Variants in PCDHGA3 observed in about 807,000 individuals in gnomAD.
The protein encoded by PCDHGA3 is protocadherin gamma-A3.
Under a neutral mutation model 58.5 loss-of-function variants are expected in PCDHGA3, and 40 were observed. The ratio of observed to expected loss-of-function variants is 0.68; its 90% CI spans 0.53 to 0.89. The LOEUF is 0.89. Among genes scored for constraint, PCDHGA3 ranks in the 40% least tolerant of loss-of-function variants. The pLI is 0.00. For missense variants in PCDHGA3, 1,223 were observed against 1,195.9 expected, an observed-to-expected ratio of 1.02 and a Z score of -0.33; for synonymous variants, 530 against 525.7, an observed-to-expected ratio of 1.01 and a Z score of -0.11.
Position 141,511,344 on chromosome 5 carries a change from T to G in PCDHGA3, c.*171T>G, listed in dbSNP as rs2099883730. 3 of 1,419,052 alleles carry G rather than the reference T, an allele frequency of 2.1e-6. No homozygotes were observed. Among genetic ancestry groups the G allele is most frequent in the Non-Finnish European group, 2.8e-6 (3 of 1,067,404 alleles). 87.9% of individuals were successfully genotyped at this position (1,419,052 alleles called of 1,614,324 possible). On this transcript the variant is annotated 3_prime_UTR_variant, in exon 4 of 4. Coordinates refer to ENST00000253812, the MANE Select transcript of PCDHGA3 (RefSeq NM_018916.4). The stretch of plus-strand genomic sequence containing the variant: ...CAAGTGCCCAGTCAGCACCTACCCC[T>G]TCCCCCCCAGGGGGTTGAATATGCA...
At position 141,430,974 on chromosome 5, in the gene PCDHGA3, C is replaced by T. The variant is rs141488923; in HGVS notation, c.2425-63833C>T. The T allele has an allele frequency of 7.0e-4, 1,130 of 1,613,070 alleles. 8 individuals carry two copies. In the African/African-American group the frequency reaches 0.014, roughly 19 times the overall value. On this transcript the variant is annotated intron_variant, in intron 1 of 3. Transcript: ENST00000253812. ...GTCCGCATCATCCCCAGAGGTAGGA[C>T]GCAGCTTTTCGCCCTGAATCCGCGC...
intron 1 of PCDHGA3, chr5:141,414,584 C>G (rs1359132446): frequency 3.1e-6 from 5 of 1,613,956 alleles, no homozygotes; most frequent in Non-Finnish European, 4.2e-6. Context: ...GAGAACAACG[C>G]CAGGGGTGCC....
chr5:141,422,136 AGTACGGGG>A (rs772818860), intron 1 of PCDHGA3: 9 of 1,588,992 alleles, frequency 5.7e-6, no homozygotes, highest in Non-Finnish European at 7.7e-6. Flanking sequence ...GAGAAGTTCA[AGTACGGGG>A]GTCTCTGGAT....
intron 1 of PCDHGA3, chr5:141,351,073 T>C: frequency 6.2e-7 from 1 of 1,614,078 alleles, no homozygotes; most frequent in Admixed American, 1.7e-5. Context: ...AGGGCATTAA[T>C]GCAGAGATCA....
rs70988800 is a variant in PCDHGA3 at position 141,379,889 on chromosome 5, CTTTTTTTTTTTTT to C, written c.2424+33450_2424+33462del. Among the ~76,000 whole-genome samples the C allele has an allele frequency of 8.7e-4, 44 of 50,836 alleles. 1 individual carries two copies. The South Asian group carries it at 0.014, about 16-fold the overall frequency. The allele number at this position is 50,836 out of a possible 152,430, so 33.4% of individuals were successfully genotyped here. On this transcript the variant is annotated intron_variant, in intron 1 of 3. Transcript: ENST00000253812. ...CTTATTTTATGGTCTGTGAAAGCCT[CTTTTTTTTTTTTT>C]TTTTTTTTTTTTTTTTTGTCAGAGT...
intron 1 of PCDHGA3, chr5:141,350,422 C>T: frequency 6.2e-7 from 1 of 1,607,112 alleles, no homozygotes; most frequent in Non-Finnish European, 8.5e-7. Context: ...ATCTGGGGCT[C>T]AGTGTCCGGG....
At chr5:141,362,768 A>G (rs916897514) in intron 1 of PCDHGA3, 6 of 614,256 alleles carry the variant, frequency 9.8e-6, no homozygotes, top group Middle Eastern at 4.4e-4. Context: ...CACATGAGAT[A>G]TTGCACTGTA....
At chr5:141,393,503 G>C (rs2092782893) in intron 1 of PCDHGA3, 1 of 1,614,028 alleles carries the variant, frequency 6.2e-7, no homozygotes, top group Non-Finnish European at 8.5e-7. Flanking sequence ...GCATCCACGT[G>C]ACAGTGTTGG....
rs771804151 is a variant in PCDHGA3, at chr5:141,486,704, A to G, written c.2425-8103A>G. On this transcript the variant is annotated intron_variant, in intron 1 of 3. Coordinates refer to ENST00000253812, the MANE Select transcript of PCDHGA3 (RefSeq NM_018916.4). The surrounding 1 kb of genome is among the most constrained non-coding windows in gnomAD (Gnocchi z 5.0). ...ATCAGCTTCCTCTTTCATCTCTCTG[A>G]ACCCCCAGACAGGAGCTGTTCATGC... 2.2e-5 allele frequency: 35 copies of G among 1,614,016 alleles called. No homozygotes were observed. Among genetic ancestry groups the G allele is most frequent in the Non-Finnish European group, 2.7e-5 (32 of 1,180,032 alleles).
chr5:141,459,581 G>A (rs945690319), intron 1 of PCDHGA3, among the ~76,000 whole-genome samples: 1 of 152,138 alleles, frequency 6.6e-6, no homozygotes, highest in Non-Finnish European at 1.5e-5. Flanking sequence ...AATTGTTTTG[G>A]GGGTCATATG....
chr5:141,364,720 C>T (rs1763500298), intron 1 of PCDHGA3: 6 of 1,613,946 alleles, frequency 3.7e-6, no homozygotes, highest in Non-Finnish European at 5.1e-6. Flanking sequence ...ATGATAACTT[C>T]CCGCGTTTCC....
chr5:141,356,405 A>G (rs1760213147), intron 1 of PCDHGA3: 5 of 1,590,826 alleles, frequency 3.1e-6, no homozygotes, highest in South Asian at 1.1e-5. Flanking sequence ...GGAAATTATT[A>G]TCGGTTGTTG....
intron 1 of PCDHGA3, among the ~76,000 whole-genome samples, chr5:141,459,721 T>C (rs2098973915): frequency 6.6e-6 from 1 of 152,246 alleles, no homozygotes. Context: ...CAATGCTTCC[T>C]ATTGTCAATT....
intron 1 of PCDHGA3, among the ~76,000 whole-genome samples, chr5:141,347,654 G>T (rs1757996271): frequency 6.6e-6 from 1 of 152,050 alleles, no homozygotes; most frequent in Non-Finnish European, 1.5e-5. Context: ...GGGCATGGTG[G>T]TGGGCGCCTG....
intron 3 of PCDHGA3, 67 bp from the exon 4 acceptor site, chr5:141,510,880 G>A (rs373993657): frequency 1.9e-6 from 3 of 1,611,784 alleles, no homozygotes; most frequent in Admixed American, 3.3e-5. Context: ...AACTGCTGGG[G>A]ATATAAGACA....
Position 141,511,908 on chromosome 5 carries a change from A to T in PCDHGA3, c.*735A>T, listed in dbSNP as rs528200582. The T allele has an allele frequency of 4.5e-5, 7 of 156,536 alleles. No homozygotes were observed. The highest frequency in any genetic ancestry group is 1.9e-4 in the East Asian group (1 of 5,250). The allele number at this position is 156,536 out of a possible 1,614,324, so 9.7% of individuals were successfully genotyped here. A position where few individuals can be genotyped will look rare whatever the true frequency, so the allele number is the denominator to read the frequency against. On this transcript the variant is annotated 3_prime_UTR_variant, in exon 4 of 4. Transcript: ENST00000253812. ...GACTTCCCCCACCTCCTCCTCAAAC[A>T]AGAGACTCCACTGCATGTTCCAAGA...
Position 141,486,639 on chromosome 5 carries a change from T to G in PCDHGA3, c.2425-8168T>G, listed in dbSNP as rs1250700423. ...GACCCAGACTCTGGCTTGAATGCGC[T>G]TATCTCCTACTCACTCCTGGAGCCC... On this transcript the variant is annotated intron_variant, in intron 1 of 3. Transcript: ENST00000253812. The surrounding 1 kb of genome is among the most constrained non-coding windows in gnomAD (Gnocchi z 5.0). The G allele has an allele frequency of 6.2e-7, 1 of 1,613,818 alleles. No individual in the cohort carries two copies. The highest frequency in any genetic ancestry group is 1.1e-5 in the South Asian group (1 of 91,084).
intron 1 of PCDHGA3, chr5:141,362,041 G>T (rs767982105): frequency 2.5e-6 from 4 of 1,610,230 alleles, no homozygotes; most frequent in Admixed American, 1.7e-5. Context: ...GGGCGACAGG[G>T]ACGCGGCCCG....
At chr5:141,392,719 C>T (rs1044889578) in intron 1 of PCDHGA3, 60 of 1,382,980 alleles carry the variant, frequency 4.3e-5, no homozygotes, top group African/African-American at 2.9e-5. Context: ...TCCAGGTTTC[C>T]GGAGGATTGT....
Sources: gnomAD v4.1 joint callset for allele counts (sites outside exome capture counted in the v4.1 genomes callset) on GRCh38, gnomAD v4.1.1 for gene constraint, Gnocchi (gnomAD v3.1) non-coding constraint, MANE v1.5 for transcripts, NCBI Gene and HGNC (gene_info 2026-07-23, HGNC 2026-07-21) for gene names.